SLC44A5: variants seen among roughly 807,000 people sequenced by gnomAD.
SLC44A5 encodes the protein choline transporter-like protein 5.
Under a neutral mutation model 101.8 loss-of-function variants are expected in SLC44A5, and 57 were observed. That is an observed-to-expected ratio of 0.56 (90% CI 0.45 to 0.70). The LOEUF is 0.70. Among genes scored for constraint, SLC44A5 ranks in the 30% least tolerant of loss-of-function variants. The pLI is 0.00. For missense variants in SLC44A5, 737 were observed against 853.1 expected, an observed-to-expected ratio of 0.86 and a Z score of 1.70; for synonymous variants, 281 against 290.9, an observed-to-expected ratio of 0.97 and a Z score of 0.35.
the SLC44A5 span, among the ~76,000 whole-genome samples, chr1:75,692,680 CATT>C: frequency 6.6e-6 from 1 of 151,824 alleles, no homozygotes; most frequent in Non-Finnish European, 1.5e-5. Flanking sequence ...GGTATTAGAA[CATT>C]ATTATCTAAA....
chr1:75,354,300 C>G (rs925970301), intron 3 of SLC44A5, among the ~76,000 whole-genome samples: 1 of 152,166 alleles, frequency 6.6e-6, no homozygotes, highest in Non-Finnish European at 1.5e-5. Context: ...CAATCATTCC[C>G]CAAACTTCTT....
At chr1:75,461,476 G>A (rs1198586482) in intron 2 of SLC44A5, among the ~76,000 whole-genome samples, 1 of 152,120 alleles carries the variant, frequency 6.6e-6, no homozygotes, top group Non-Finnish European at 1.5e-5. Context: ...CAGGACATTA[G>A]ATATATTTAA....
At chr1:75,339,526 C>T in intron 4 of SLC44A5, 56 bp downstream of exon 4, 1 of 1,455,886 alleles carries the variant, frequency 6.9e-7, no homozygotes, top group Non-Finnish European at 9.5e-7. Flanking sequence ...CCCCCATCCC[C>T]CAAAGCTTTC....
chr1:75,473,158 T>C (rs1214535697), intron 2 of SLC44A5, among the ~76,000 whole-genome samples: 1 of 152,206 alleles, frequency 6.6e-6, no homozygotes, highest in East Asian at 1.9e-4. Context: ...CTAAGTGTCC[T>C]TTTTTATGCA....
At chr1:75,448,618 A>G (rs1236630946) in intron 2 of SLC44A5, among the ~76,000 whole-genome samples, 1 of 152,128 alleles carries the variant, frequency 6.6e-6, no homozygotes, top group East Asian at 1.9e-4. Context: ...ACATTTCACA[A>G]AAGCACACAT....
At chr1:75,703,742 C>T in the SLC44A5 span, among the ~76,000 whole-genome samples, 1 of 152,024 alleles carries the variant, frequency 6.6e-6, no homozygotes, top group Non-Finnish European at 1.5e-5. Context: ...TTCAGATGTC[C>T]TCTGGAGGTC....
intron 4 of SLC44A5, among the ~76,000 whole-genome samples, chr1:75,328,233 T>C (rs1007137670): frequency 2.6e-5 from 4 of 152,220 alleles, no homozygotes; most frequent in African/African-American, 9.6e-5. Context: ...ATATATAGAT[T>C]GATTGAGAGC....
chr1:75,658,652 A>C, the SLC44A5 span, among the ~76,000 whole-genome samples: 2 of 152,178 alleles, frequency 1.3e-5, no homozygotes, highest in Non-Finnish European at 1.5e-5. Flanking sequence ...AGTTTATAAC[A>C]ATAAACACCT....
At chr1:75,294,040 G>T (rs1411201505) in intron 5 of SLC44A5, among the ~76,000 whole-genome samples, 1 of 152,018 alleles carries the variant, frequency 6.6e-6, no homozygotes, top group Non-Finnish European at 1.5e-5. Flanking sequence ...ATTAAGAAAA[G>T]GTTCCTGGAA....
chr1:75,529,073 G>A (rs763080667), intron 2 of SLC44A5, among the ~76,000 whole-genome samples: 1 of 152,126 alleles, frequency 6.6e-6, no homozygotes, highest in African/African-American at 2.4e-5. Context: ...GCAATAGGAT[G>A]GTAATGACAA....
intron 3 of SLC44A5, among the ~76,000 whole-genome samples, chr1:75,355,603 G>A (rs752358996): frequency 6.6e-6 from 1 of 152,168 alleles, no homozygotes; most frequent in African/African-American, 2.4e-5. Flanking sequence ...ACATAATGAT[G>A]CTTCAGTCAA....
chr1:75,518,034 G>A (rs948730491), intron 2 of SLC44A5, among the ~76,000 whole-genome samples: 1 of 152,152 alleles, frequency 6.6e-6, no homozygotes, highest in Non-Finnish European at 1.5e-5. Context: ...TAAATCTTAG[G>A]TCCTGATTCT....
intron 2 of SLC44A5, among the ~76,000 whole-genome samples, chr1:75,504,426 T>C (rs932463045): frequency 1.3e-5 from 2 of 152,118 alleles, no homozygotes; most frequent in African/African-American, 4.8e-5. Context: ...GCTGCTATCA[T>C]ATAATGATGT....
At chr1:75,402,670 T>C (rs999064098) in intron 2 of SLC44A5, among the ~76,000 whole-genome samples, 2 of 152,026 alleles carry the variant, frequency 1.3e-5, no homozygotes, top group Non-Finnish European at 2.9e-5. Context: ...ATACTACACT[T>C]TTCCCATGGT....
intron 3 of SLC44A5, chr1:75,353,928 G>T: frequency 3.8e-6 from 1 of 266,352 alleles, no homozygotes; most frequent in Non-Finnish European, 7.3e-6. Flanking sequence ...CAGTAATATG[G>T]GGTAAGGTAG....
chr1:75,591,748 T>C (rs1213663676), intron 1 of SLC44A5, among the ~76,000 whole-genome samples: 3 of 151,942 alleles, frequency 2.0e-5, no homozygotes. Context: ...ACATGATACA[T>C]CATATCAACA....
At chr1:75,249,024 T>C (rs1420135216) in intron 7 of SLC44A5, among the ~76,000 whole-genome samples, 1 of 152,096 alleles carries the variant, frequency 6.6e-6, no homozygotes, top group Non-Finnish European at 1.5e-5. Context: ...AGTTGCAATG[T>C]CAGAGGAATC....
the SLC44A5 span, among the ~76,000 whole-genome samples, chr1:75,648,225 G>A: frequency 6.6e-6 from 1 of 152,022 alleles, no homozygotes. Context: ...TCTCTTTTCT[G>A]TTACCATGTG....
chr1:75,277,386 T>G (rs1323831102), intron 5 of SLC44A5, among the ~76,000 whole-genome samples: 2 of 152,198 alleles, frequency 1.3e-5, no homozygotes, highest in Non-Finnish European at 2.9e-5. Flanking sequence ...ATGGTATAGA[T>G]AGCTGCAGCT....
Sources: gnomAD v4.1 joint callset for allele counts (sites outside exome capture counted in the v4.1 genomes callset) on GRCh38, gnomAD v4.1.1 for gene constraint, MANE v1.5 for transcripts, NCBI Gene and HGNC (gene_info 2026-07-23, HGNC 2026-07-21) for gene names.